Variants in ANO4 observed in about 807,000 individuals in gnomAD.
The protein encoded by ANO4 is anoctamin-4.
In ANO4, 69 loss-of-function variants were observed where a neutral mutation model predicts 141.9. That is an observed-to-expected ratio of 0.49 (90% CI 0.40 to 0.59). The LOEUF (loss-of-function observed/expected upper bound fraction) is 0.59, where lower values mean the gene tolerates loss of function less well. Among genes scored for constraint, ANO4 ranks in the 20% least tolerant of loss-of-function variants. The pLI is 0.00. For missense variants in ANO4, 894 were observed against 1,162.2 expected (o/e 0.77, Z 3.36); for synonymous variants, 350 against 394.3 (o/e 0.89, Z 1.33).
At chr12:101,076,262 G>A (rs1420949980) in intron 14 of ANO4, among the ~76,000 whole-genome samples, 1 of 152,100 alleles carries the variant, frequency 6.6e-6, no homozygotes, top group Non-Finnish European at 1.5e-5. Flanking sequence ...ACTTATAAAA[G>A]AGACCCCAGA....
chr12:100,897,814 T>C (rs546831691), intron 1 of ANO4, among the ~76,000 whole-genome samples: 20 of 152,332 alleles, frequency 1.3e-4, no homozygotes, highest in African/African-American at 4.8e-4. Context: ...GCCTGGACGA[T>C]GCCATGGGCC....
rs1017568815 is a variant in ANO4 at position 100,992,364 on chromosome 12, T to C, written c.734+4694T>C. 3.9e-5 allele frequency among the ~76,000 whole-genome samples: 6 copies of C among 152,326 alleles called. No individual in the cohort carries two copies. In the East Asian group the frequency reaches 1.2e-3, roughly 29 times the overall value. ...CTTCATTTGTTGTGATCCAGACACA[T>C]GCAGCCTCTCCTCTCTCAGCTCTTT... On this transcript the variant is annotated intron_variant, in intron 8 of 27. Coordinates refer to ENST00000392977, the MANE Select transcript of ANO4 (RefSeq NM_001286615.2).
intron 2 of ANO4, among the ~76,000 whole-genome samples, chr12:100,737,414 T>A (rs1258424480): frequency 6.6e-6 from 1 of 152,208 alleles, no homozygotes; most frequent in African/African-American, 2.4e-5. Flanking sequence ...AGACTCCTCC[T>A]ATCTCACTAG....
At chr12:100,874,843 G>C (rs948204705) in intron 1 of ANO4, among the ~76,000 whole-genome samples, 1 of 152,050 alleles carries the variant, frequency 6.6e-6, no homozygotes, top group Non-Finnish European at 1.5e-5. Context: ...TGCCCTGCTT[G>C]GTTTTGAACT....
Position 101,066,811 on chromosome 12 carries a change from T to C in ANO4, c.1313-12382T>C, listed in dbSNP as rs537552168. ...TGAGATCTGTATCTGTGGACCTGAATGTTGATCCCTCACTTCAGATTGACA... is the reference window on the plus strand; with the variant it reads ...TGAGATCTGTATCTGTGGACCTGAACGTTGATCCCTCACTTCAGATTGACA... On this transcript the variant is annotated intron_variant, in intron 14 of 27. Coordinates refer to ENST00000392977, the MANE Select transcript of ANO4 (RefSeq NM_001286615.2). The C allele has an allele frequency of 7.1e-5, 99 of 1,388,912 alleles. 1 individual carries two copies. The South Asian group carries it at 1.1e-3, about 15-fold the overall frequency. 86.0% of individuals were successfully genotyped at this position (1,388,912 alleles called of 1,614,324 possible).
chr12:101,121,714 T>C (rs2051099828), intron 26 of ANO4, among the ~76,000 whole-genome samples: 2 of 151,540 alleles, frequency 1.3e-5, no homozygotes, highest in South Asian at 4.2e-4. Context: ...AGGTGTCCCC[T>C]TTTCTCTGAA....
intron 2 of ANO4, among the ~76,000 whole-genome samples, chr12:100,918,389 A>G (rs1255474632): frequency 6.6e-6 from 1 of 152,176 alleles, no homozygotes; most frequent in Admixed American, 6.5e-5. Context: ...AACAAAATCT[A>G]CCCATCATTT....
intron 8 of ANO4, among the ~76,000 whole-genome samples, chr12:101,004,679 AT>A (rs1205934769): frequency 6.6e-6 from 1 of 152,188 alleles, no homozygotes; most frequent in African/African-American, 2.4e-5. Context: ...AATACCTGGA[AT>A]TTTACAATTT....
chr12:100,733,293 G>C (rs1434070836), intron 1 of ANO4, among the ~76,000 whole-genome samples: 1 of 152,190 alleles, frequency 6.6e-6, no homozygotes, highest in Non-Finnish European at 1.5e-5. Flanking sequence ...GCCTCCAGAG[G>C]ATGGAGGATG....
intron 14 of ANO4, among the ~76,000 whole-genome samples, chr12:101,075,542 C>CA (rs1366590737): frequency 2.7e-5 from 4 of 148,464 alleles, no homozygotes; most frequent in Admixed American, 2.7e-4. Context: ...AAACACTTGA[C>CA]AAAACTCTTA....
intron 1 of ANO4, among the ~76,000 whole-genome samples, chr12:100,877,128 G>A (rs941631587): frequency 1.3e-5 from 2 of 152,050 alleles, no homozygotes; most frequent in Non-Finnish European, 2.9e-5. Flanking sequence ...GGTAGGGGAC[G>A]GATAAAGGAG....
chr12:100,732,665 G>C (rs1482467154), intron 1 of ANO4, among the ~76,000 whole-genome samples: 2 of 151,914 alleles, frequency 1.3e-5, no homozygotes, highest in African/African-American at 4.8e-5. Flanking sequence ...TATCTTCTAG[G>C]AGTTTTTAAA....
chr12:101,110,838 T>G (rs2050634463), intron 23 of ANO4, among the ~76,000 whole-genome samples: 1 of 152,222 alleles, frequency 6.6e-6, no homozygotes, highest in Non-Finnish European at 1.5e-5. Context: ...TTAGATTTAT[T>G]ATCACTTATA....
At chr12:100,754,908 G>A (rs1565857008) in intron 3 of ANO4, among the ~76,000 whole-genome samples, 1 of 152,232 alleles carries the variant, frequency 6.6e-6, no homozygotes, top group East Asian at 1.9e-4. Flanking sequence ...CCAGGGGAGG[G>A]GAGAATGAGG....
intron 3 of ANO4, among the ~76,000 whole-genome samples, chr12:100,785,058 T>C (rs1214266344): frequency 2.6e-5 from 4 of 152,166 alleles, no homozygotes; most frequent in Non-Finnish European, 2.9e-5. Context: ...TACCTAGTCT[T>C]CAGGGAAATT....
intron 3 of ANO4, among the ~76,000 whole-genome samples, chr12:100,777,177 C>T (rs1026436201): frequency 6.7e-6 from 1 of 149,324 alleles, no homozygotes; most frequent in Non-Finnish European, 1.5e-5. Context: ...ACTGCAACCT[C>T]AGCCTCCTGG....
chr12:101,045,769 G>GAT, intron 13 of ANO4, among the ~76,000 whole-genome samples: 1 of 152,146 alleles, frequency 6.6e-6, no homozygotes, highest in East Asian at 1.9e-4. Context: ...CAGGGACCCC[G>GAT]GTGGCCCTGC....
chr12:101,088,453 AT>A (rs2136910699), intron 17 of ANO4, among the ~76,000 whole-genome samples: 1 of 151,358 alleles, frequency 6.6e-6, no homozygotes, highest in African/African-American at 2.4e-5. Context: ...TTACTTATTT[AT>A]TTTGTTTATC....
intron 22 of ANO4, among the ~76,000 whole-genome samples, chr12:101,109,914 C>T (rs1400859851): frequency 6.6e-6 from 1 of 152,148 alleles, no homozygotes; most frequent in African/African-American, 2.4e-5. Flanking sequence ...GACTTAGATA[C>T]TTAGTCTTTG....
Sources: gnomAD v4.1 joint callset for allele counts (sites outside exome capture counted in the v4.1 genomes callset) on GRCh38, gnomAD v4.1.1 for gene constraint, MANE v1.5 for transcripts, NCBI Gene and HGNC (gene_info 2026-07-23, HGNC 2026-07-21) for gene names.